SHISA6: variants seen among roughly 807,000 people sequenced by gnomAD.
SHISA6 encodes the protein shisa family member 6.
SHISA6 carries 22 observed loss-of-function variants against 47.9 expected under a neutral mutation model. The ratio of observed to expected loss-of-function variants is 0.46; its 90% CI spans 0.33 to 0.66. The LOEUF (loss-of-function observed/expected upper bound fraction) is 0.66. SHISA6 is among the 30% of genes least tolerant of loss of function. The probability of loss-of-function intolerance (pLI) is 0.02; values close to 1 mark genes in which losing one functional copy is unlikely to be tolerated. For synonymous variants in SHISA6, 388 were observed against 337.8 expected (o/e 1.15, Z -1.63); for missense variants, 680 against 764.6 (o/e 0.89, Z 1.30).
At chr17:11,521,190 T>G (rs1380673225) in intron 3 of SHISA6, among the ~76,000 whole-genome samples, 8 of 152,220 alleles carry the variant, frequency 5.3e-5, no homozygotes, top group African/African-American at 1.7e-4. Context: ...AGATAACTGA[T>G]CTTAAACACT....
chr17:11,315,673 A>G (rs1910485157), intron 2 of SHISA6, among the ~76,000 whole-genome samples: 1 of 152,160 alleles, frequency 6.6e-6, no homozygotes, highest in Admixed American at 6.6e-5. Context: ...TATGTCATGA[A>G]TTATATAACA....
intron 3 of SHISA6, among the ~76,000 whole-genome samples, chr17:11,394,489 T>C (rs1460815267): frequency 3.9e-5 from 6 of 152,186 alleles, no homozygotes; most frequent in Non-Finnish European, 8.8e-5. Flanking sequence ...CTATTACCAC[T>C]CAATCATATA....
At chr17:11,467,199 C>G (rs1915829553) in intron 3 of SHISA6, among the ~76,000 whole-genome samples, 1 of 152,200 alleles carries the variant, frequency 6.6e-6, no homozygotes, top group Admixed American at 6.5e-5. Context: ...CATGCCTTCA[C>G]TTGGCAAATA....
intron 3 of SHISA6, among the ~76,000 whole-genome samples, chr17:11,389,884 A>G (rs77105784): frequency 0.037 from 5,562 of 152,250 alleles, 185 homozygotes; most frequent in Admixed American, 0.087. Context: ...CTGAAAGCTA[A>G]GCTATGGGGC....
chr17:11,388,833 TATATATA>T (rs1175653344), intron 3 of SHISA6, among the ~76,000 whole-genome samples: 9 of 94,352 alleles, frequency 9.5e-5, no homozygotes, highest in African/African-American at 1.4e-4. Context: ...TATATATATA[TATATATA>T]TTTTAAAAAA....
intron 2 of SHISA6, among the ~76,000 whole-genome samples, chr17:11,370,654 C>T (rs1912605713): frequency 6.6e-6 from 1 of 152,136 alleles, no homozygotes; most frequent in South Asian, 2.1e-4. Flanking sequence ...CTGATGAGAT[C>T]TTCTGCTTTC....
chr17:11,336,935 T>C (rs1911341594), intron 2 of SHISA6, among the ~76,000 whole-genome samples: 1 of 152,126 alleles, frequency 6.6e-6, no homozygotes, highest in East Asian at 1.9e-4. Context: ...CACACTAGGA[T>C]TCCTCAAGTT....
intron 3 of SHISA6, among the ~76,000 whole-genome samples, chr17:11,414,392 T>C (rs1914220393): frequency 6.6e-6 from 1 of 152,168 alleles, no homozygotes; most frequent in Non-Finnish European, 1.5e-5. Context: ...GGCATTCATC[T>C]TGACCCAGGC....
At chr17:11,303,411 GGTT>G (rs1212167537) in intron 2 of SHISA6, among the ~76,000 whole-genome samples, 1 of 151,944 alleles carries the variant, frequency 6.6e-6, no homozygotes, top group African/African-American at 2.4e-5. Flanking sequence ...GATTGTGTCT[GGTT>G]GTGAGCATGT....
chr17:11,460,385 AGTTT>A (rs932086804), intron 3 of SHISA6, among the ~76,000 whole-genome samples: 6 of 151,956 alleles, frequency 3.9e-5, no homozygotes, highest in Non-Finnish European at 7.4e-5. Context: ...AAAAGTGATG[AGTTT>A]GTTTGTTTGT....
chr17:11,311,071 T>C (rs1242318432), intron 2 of SHISA6, among the ~76,000 whole-genome samples: 13 of 128,690 alleles, frequency 1.0e-4, no homozygotes, highest in South Asian at 4.9e-4. Flanking sequence ...TGCGCCACTG[T>C]ACTCCAGCCT....
At chr17:11,269,891 A>G (rs946897769) in intron 2 of SHISA6, among the ~76,000 whole-genome samples, 7 of 152,112 alleles carry the variant, frequency 4.6e-5, no homozygotes, top group East Asian at 1.9e-4. Context: ...TTAAGTCTTC[A>G]CTCTCCAATA....
chr17:11,399,311 C>T (rs879115485), intron 3 of SHISA6, among the ~76,000 whole-genome samples: 2 of 152,152 alleles, frequency 1.3e-5, no homozygotes, highest in Non-Finnish European at 2.9e-5. Context: ...TGTGAGAAAC[C>T]CTAACCAGTA....
chr17:11,360,256 A>T (rs1912220194), intron 2 of SHISA6, among the ~76,000 whole-genome samples: 1 of 152,170 alleles, frequency 6.6e-6, no homozygotes, highest in South Asian at 2.1e-4. Flanking sequence ...CATAAGTGGG[A>T]GTTGAACAAT....
At chr17:11,352,270 T>C (rs1340589249) in intron 2 of SHISA6, among the ~76,000 whole-genome samples, 1 of 151,314 alleles carries the variant, frequency 6.6e-6, no homozygotes, top group African/African-American at 2.4e-5. Flanking sequence ...AAGCATAAAA[T>C]GGAGATAGTG....
At chr17:11,291,445 C>CG (rs1909537190) in intron 2 of SHISA6, among the ~76,000 whole-genome samples, 1 of 151,846 alleles carries the variant, frequency 6.6e-6, no homozygotes, top group Non-Finnish European at 1.5e-5. Flanking sequence ...ACCATCCTGG[C>CG]CATCATGGTG....
At chr17:11,501,249 A>G (rs2071450346) in intron 3 of SHISA6, among the ~76,000 whole-genome samples, 1 of 151,882 alleles carries the variant, frequency 6.6e-6, no homozygotes, top group African/African-American at 2.4e-5. Context: ...AGTAGCTGGG[A>G]TTACAGGTAT....
intron 3 of SHISA6, among the ~76,000 whole-genome samples, chr17:11,427,592 C>G (rs1914642747): frequency 6.6e-6 from 1 of 152,144 alleles, no homozygotes; most frequent in African/African-American, 2.4e-5. Flanking sequence ...CAGGGTGAAA[C>G]ATCCTCAAGT....
intron 3 of SHISA6, among the ~76,000 whole-genome samples, chr17:11,518,456 C>CACACAAACACATACACACAT (rs2071602866): frequency 6.6e-6 from 1 of 152,154 alleles, no homozygotes; most frequent in East Asian, 1.9e-4. Context: ...CACACACACA[C>CACACAAACACATACACACAT]ACACAAACAC....
Sources: gnomAD v4.1 joint callset for allele counts (sites outside exome capture counted in the v4.1 genomes callset) on GRCh38, gnomAD v4.1.1 for gene constraint, MANE v1.5 for transcripts, NCBI Gene and HGNC (gene_info 2026-07-23, HGNC 2026-07-21) for gene names.